Variants in DOCK7 observed in about 807,000 individuals in gnomAD.
The protein encoded by DOCK7 is dedicator of cytokinesis 7.
In DOCK7, 138 loss-of-function variants were observed where a neutral mutation model predicts 271.0. The ratio of observed to expected loss-of-function variants is 0.51; its 90% CI spans 0.44 to 0.59. DOCK7 has a LOEUF of 0.59. Among genes scored for constraint, DOCK7 ranks in the 20% least tolerant of loss-of-function variants. DOCK7 has a pLI of 0.00. For missense variants in DOCK7, 2,066 were observed against 2,592.4 expected (o/e 0.80, Z 4.41); for synonymous variants, 823 against 876.1 (o/e 0.94, Z 1.07).
intron 14 of DOCK7, chr1:62,609,402 G>C (rs1651454903): frequency 6.6e-6 from 1 of 152,102 alleles, no homozygotes. Flanking sequence ...GAAGATGTAA[G>C]GTTGTAGCTA....
chr1:62,683,181 C>T (rs1283336271), intron 1 of DOCK7, among the ~76,000 whole-genome samples: 2 of 152,176 alleles, frequency 1.3e-5, no homozygotes, highest in East Asian at 3.9e-4. Context: ...CTCTTTAACA[C>T]TATTTTGCAG....
At chr1:62,521,509 G>C (rs1486611649) in intron 31 of DOCK7, among the ~76,000 whole-genome samples, 5 of 152,098 alleles carry the variant, frequency 3.3e-5, no homozygotes, top group Non-Finnish European at 7.4e-5. Flanking sequence ...CATTTCGACT[G>C]TCTGGTAAGA....
In DOCK7 at chr1:62,529,263, A is replaced by T. The variant is rs754752282; in HGVS notation, c.3781+14T>A. On this transcript the variant is annotated intron_variant, in intron 30 of 49. Coordinates refer to ENST00000635253, the MANE Select transcript of DOCK7 (RefSeq NM_001367561.1). Reference sequence around the variant, plus strand: ...AGCTTTGCCTTTAATATTTGCCTTAATTATACTAGGTACCTGTAAAATCAT... The same window carrying T: ...AGCTTTGCCTTTAATATTTGCCTTATTTATACTAGGTACCTGTAAAATCAT... 6.4e-7 allele frequency: 1 copy of T among 1,569,258 alleles called. No homozygotes were observed. Among genetic ancestry groups the T allele is most frequent in the Non-Finnish European group, 8.6e-7 (1 of 1,161,278 alleles).
chr1:62,601,976 T>C (rs1650194747), intron 14 of DOCK7: 1 of 731,808 alleles, frequency 1.4e-6, no homozygotes, highest in East Asian at 2.7e-5. Context: ...TTTATACATA[T>C]ATATATGAAA....
chr1:62,499,705 T>C lies in DOCK7; in HGVS notation c.4765-3208A>G, dbSNP rs150304000. Among the ~76,000 whole-genome samples the C allele has an allele frequency of 2.7e-4, 41 of 152,006 alleles. No individual in the cohort carries two copies. The East Asian group carries it at 7.9e-3, about 29-fold the overall frequency. On this transcript the variant is annotated intron_variant, in intron 37 of 49. Coordinates refer to ENST00000635253, the MANE Select transcript of DOCK7 (RefSeq NM_001367561.1). ...CCTAGGCAACAGAGACAGATCCTGT[T>C]TCTACAAGAAAAAAAAAAATTAGCC... is the stretch of plus-strand genomic sequence containing the variant.
At chr1:62,579,134 A>G (rs974635403) in intron 16 of DOCK7, among the ~76,000 whole-genome samples, 168 bp from the exon 17 acceptor site, 1 of 152,276 alleles carries the variant, frequency 6.6e-6, no homozygotes, top group Admixed American at 6.5e-5. Flanking sequence ...TCTTACTTCC[A>G]TATAAGAGAG....
chr1:62,574,288 T>C (rs912602675), intron 18 of DOCK7, among the ~76,000 whole-genome samples: 1 of 152,200 alleles, frequency 6.6e-6, no homozygotes, highest in Admixed American at 6.5e-5. Flanking sequence ...GAAAATGCTA[T>C]CATTGTTCTA....
At chr1:62,684,605 T>C (rs994920668) in intron 1 of DOCK7, among the ~76,000 whole-genome samples, 1 of 152,216 alleles carries the variant, frequency 6.6e-6, no homozygotes, top group African/African-American at 2.4e-5. Flanking sequence ...GTGCTTTAAG[T>C]GTACACAAAT....
intron 14 of DOCK7, among the ~76,000 whole-genome samples, chr1:62,601,563 A>C (rs1650125113): frequency 6.6e-6 from 1 of 151,688 alleles, no homozygotes; most frequent in East Asian, 1.9e-4. Context: ...TCTAAAAAAT[A>C]ATTAATTTTT....
chr1:62,632,575 T>C (rs991017931), intron 10 of DOCK7, among the ~76,000 whole-genome samples: 9 of 152,234 alleles, frequency 5.9e-5, no homozygotes, highest in Non-Finnish European at 1.0e-4. Context: ...TATTAAATCT[T>C]GTGTTCAAAG....
chr1:62,619,195 A>G (rs1652828206), intron 13 of DOCK7, among the ~76,000 whole-genome samples: 1 of 152,228 alleles, frequency 6.6e-6, no homozygotes, highest in Non-Finnish European at 1.5e-5. Flanking sequence ...TTCAAAGATT[A>G]AAAGACTTAG....
chr1:62,594,183 T>A (rs1378191430), intron 14 of DOCK7, among the ~76,000 whole-genome samples: 1 of 152,094 alleles, frequency 6.6e-6, no homozygotes, highest in African/African-American at 2.4e-5. Flanking sequence ...TAGGCACAAG[T>A]TCAAGCAAAG....
chr1:62,653,078 T>C (rs998333526), intron 4 of DOCK7, among the ~76,000 whole-genome samples: 2 of 152,198 alleles, frequency 1.3e-5, no homozygotes, highest in Non-Finnish European at 2.9e-5. Context: ...ACTTCAATCA[T>C]ATCTCCTTCA....
chr1:62,604,669 AC>A, intron 14 of DOCK7: 1 of 1,613,278 alleles, frequency 6.2e-7, no homozygotes, highest in Non-Finnish European at 8.5e-7. Flanking sequence ...GGAGAAAACA[AC>A]CTAAATGGTA....
chr1:62,646,108 CT>C (rs1248539000), intron 7 of DOCK7, among the ~76,000 whole-genome samples: 2 of 149,900 alleles, frequency 1.3e-5, no homozygotes, highest in Non-Finnish European at 3.0e-5. Context: ...GATCGCACCA[CT>C]GCACTCCAGC....
chr1:62,545,057 A>G lies in DOCK7; in HGVS notation c.2767-18T>C, dbSNP rs1364930522. 4 of 1,531,564 alleles carry G rather than the reference A, an allele frequency of 2.6e-6. No individual in the cohort carries two copies. Among genetic ancestry groups the G allele is most frequent in the Non-Finnish European group, 2.6e-6 (3 of 1,136,012 alleles). 94.9% of individuals were successfully genotyped at this position (1,531,564 alleles called of 1,614,324 possible). ...TCTAAACCCTAAGCATATAATAGAA[A>G]GCAGTTTGAAAGGAAAGAAATATTA... On this transcript the variant is annotated intron_variant, in intron 22 of 49. Coordinates refer to ENST00000635253, the MANE Select transcript of DOCK7 (RefSeq NM_001367561.1).
chr1:62,554,542 C>T (rs185446645), intron 21 of DOCK7, among the ~76,000 whole-genome samples: 470 of 148,064 alleles, frequency 3.2e-3, no homozygotes, highest in Non-Finnish European at 5.4e-3. Flanking sequence ...AGCCTAACAT[C>T]ATCTTCCAAC....
intron 4 of DOCK7, among the ~76,000 whole-genome samples, chr1:62,652,738 T>G (rs1292544714): frequency 6.6e-6 from 1 of 152,180 alleles, no homozygotes; most frequent in African/African-American, 2.4e-5. Flanking sequence ...TGCACAGAGG[T>G]AAAGACTTTT....
intron 48 of DOCK7, among the ~76,000 whole-genome samples, chr1:62,461,794 G>A (rs956715710): frequency 2.0e-5 from 3 of 151,874 alleles, no homozygotes; most frequent in Non-Finnish European, 2.9e-5. Flanking sequence ...CATTAAGGCC[G>A]AGCACAGTGG....
Sources: gnomAD v4.1 joint callset for allele counts (sites outside exome capture counted in the v4.1 genomes callset) on GRCh38, gnomAD v4.1.1 for gene constraint, MANE v1.5 for transcripts, NCBI Gene and HGNC (gene_info 2026-07-23, HGNC 2026-07-21) for gene names.